UBR4: variants seen among roughly 807,000 people sequenced by gnomAD.
UBR4 encodes the protein E3 ubiquitin-protein ligase UBR4.
UBR4 carries 124 observed loss-of-function variants against 575.6 expected under a neutral mutation model. The ratio of observed to expected loss-of-function variants is 0.22; its 90% CI spans 0.19 to 0.25. The LOEUF is 0.25. Ranked by LOEUF, UBR4 falls within the 10% of genes least tolerant of loss-of-function variation. The pLI is 1.00. For synonymous variants in UBR4, 2,455 were observed against 2,473.7 expected (o/e 0.99, Z 0.22); for missense variants, 4,818 against 6,478.8 (o/e 0.74, Z 8.80).
rs920229243 is a variant in UBR4, at chr1:19,152,806, A to G, written c.6833-330T>C. On this transcript the variant is annotated intron_variant, in intron 46 of 105. Coordinates refer to ENST00000375254, the MANE Select transcript of UBR4 (RefSeq NM_020765.3). This position sits in a 1 kb window ranked among gnomAD's most constrained non-coding sequence, Gnocchi z 4.4. ...TGTAAATGAATAAACCATTCTTTCAAAATAGACTGTAGAGCAAATTTAAGG... is the reference window on the plus strand; with the variant it reads ...TGTAAATGAATAAACCATTCTTTCAGAATAGACTGTAGAGCAAATTTAAGG... 1.3e-5 allele frequency among the ~76,000 whole-genome samples: 2 copies of G among 152,234 alleles called. No homozygotes were observed. The highest frequency in any genetic ancestry group is 2.9e-5 in the Non-Finnish European group (2 of 68,036).
rs2088216692 is a variant in UBR4 at position 19,165,637 on chromosome 1, A to G, written c.4211+19T>C. 2 of 1,608,928 alleles carry G rather than the reference A, an allele frequency of 1.2e-6. No individual in the cohort carries two copies. The highest frequency in any genetic ancestry group is 1.1e-5 in the South Asian group (1 of 90,182). On this transcript the variant is annotated intron_variant, in intron 30 of 105. Transcript: ENST00000375254. The stretch of plus-strand genomic sequence containing the variant: ...GGCATTCAAAAAATATTCACTGAAT[A>G]AAGCAAAACACGGCTCACCTGTCAG...
Position 19,179,212 on chromosome 1 carries a change from C to G in UBR4, c.2193G>C (p.Leu731=). The change falls in exon 18 of 106, where the codon CTG becomes CTC. Residue 731 remains leucine (L), a synonymous_variant. Coordinates refer to ENST00000375254, the MANE Select transcript of UBR4 (RefSeq NM_020765.3). The part of the protein sequence containing the change: ...DLQSPNLQNT[L]LQQLGVAPFS... ...AAGGAGCCACTCCTAGCTGCTGCAA[C>G]AGTGTGTTCTGACAAGAAAGACATG... 4.4e-6 allele frequency: 7 copies of G among 1,573,508 alleles called. No individual in the cohort carries two copies. Among genetic ancestry groups the G allele is most frequent in the Non-Finnish European group, 5.1e-6 (6 of 1,167,688 alleles).
chr1:19,141,618 C>T, intron 56 of UBR4, 29 bp downstream of exon 56: 1 of 1,611,796 alleles, frequency 6.2e-7, no homozygotes, highest in Non-Finnish European at 8.5e-7. Context: ...GAAGCTCCTC[C>T]TCCCCTTCTC....
intron 64 of UBR4, 152 bp from the exon 65 acceptor site, chr1:19,124,842 T>A: frequency 9.6e-7 from 1 of 1,047,078 alleles, no homozygotes; most frequent in Non-Finnish European, 1.4e-6. Context: ...CAGTTTATTC[T>A]ATAAACCCAG....
chr1:19,166,368 G>T (rs1219862650), intron 29 of UBR4, among the ~76,000 whole-genome samples: 1 of 152,202 alleles, frequency 6.6e-6, no homozygotes, highest in Non-Finnish European at 1.5e-5. Flanking sequence ...ATCAATTTCA[G>T]TGAGCTCCTC....
In UBR4 at chr1:19,190,312, A is replaced by AAAAAATATATAT; in HGVS notation, c.1394+1875_1394+1876insATATATATTTTT. Among the ~76,000 whole-genome samples the AAAAAATATATAT allele has an allele frequency of 2.9e-3, 233 of 79,800 alleles. 2 individuals carry two copies. The highest frequency in any genetic ancestry group is 0.012 in the African/African-American group (216 of 18,704). 52.4% of individuals were successfully genotyped at this position (79,800 alleles called of 152,430 possible). On this transcript the variant is annotated intron_variant, in intron 11 of 105. Coordinates refer to ENST00000375254, the MANE Select transcript of UBR4 (RefSeq NM_020765.3). Reference sequence around the variant, plus strand: ...TGCCTCAAAAAAAAAAAAAAAAAAAAATATATATATATATATATTTGTATG... The same window carrying AAAAAATATATAT: ...TGCCTCAAAAAAAAAAAAAAAAAAAAAAAAATATATATATATATATATATATATATTTGTATG...
chr1:19,187,075 TTTA>T, intron 13 of UBR4, 86 bp downstream of exon 13: 5 of 665,828 alleles, frequency 7.5e-6, no homozygotes, highest in Non-Finnish European at 9.2e-6. Flanking sequence ...TCAAGAAAGT[TTTA>T]TATATATATA....
At position 19,153,667 on chromosome 1, in the gene UBR4, T is replaced by G; in HGVS notation, c.6630+101A>C. ...AAGAAAAAGGACTGAAAATCTTTTATGGGCCTCCATTGAAAGAGCTGGGAA... is the reference window on the plus strand; with the variant it reads ...AAGAAAAAGGACTGAAAATCTTTTAGGGGCCTCCATTGAAAGAGCTGGGAA... On this transcript the variant is annotated intron_variant, in intron 45 of 105. Coordinates refer to ENST00000375254, the MANE Select transcript of UBR4 (RefSeq NM_020765.3). This position sits in a 1 kb window ranked among gnomAD's most constrained non-coding sequence, Gnocchi z 4.1. 3 of 1,504,210 alleles carry G rather than the reference T, an allele frequency of 2.0e-6. No individual in the cohort carries two copies. In the South Asian group the frequency reaches 3.9e-5, roughly 20 times the overall value. 93.2% of individuals were successfully genotyped at this position (1,504,210 alleles called of 1,614,324 possible). A position where few individuals can be genotyped will look rare whatever the true frequency, so the allele number is the denominator to read the frequency against.
At position 19,095,038 on chromosome 1, in the gene UBR4, G is replaced by A; in HGVS notation, c.13627-13C>T. 1 of 1,614,150 alleles carries A rather than the reference G, an allele frequency of 6.2e-7. No homozygotes were observed. The highest frequency in any genetic ancestry group is 8.5e-7 in the Non-Finnish European group (1 of 1,180,018). ...CAGCTACAAGGGCCTGTAGGAGAAG[G>A]AGACTCAGTCACTCTCAGAATAAGA... On this transcript the variant is annotated splice_polypyrimidine_tract_variant and intron_variant, in intron 93 of 105. Coordinates refer to ENST00000375254, the MANE Select transcript of UBR4 (RefSeq NM_020765.3).
Position 19,177,589 on chromosome 1 carries a change from T to C in UBR4, c.2509A>G (p.Ile837Val), listed in dbSNP as rs2090408394. The change falls in exon 19 of 106, where the codon ATC becomes GTC. Residue 837 changes from isoleucine (I) to valine (V), a missense_variant. Physicochemically the swap from Ile to Val is conservative, Grantham distance 29 (BLOSUM62 3). This residue lies in a region of UBR4 where 1,172 missense variants were observed against 1,259.7 expected (regional missense o/e 0.93). Transcript: ENST00000375254. ...RAILSLFVQI[I>V]QELSVNMDAQ... The stretch of plus-strand genomic sequence containing the variant: ...TCCATGTTGACGCTCAACTCCTGGA[T>C]GATCTGGACAAAAAGCGACAATATG... The C allele has an allele frequency of 1.9e-6, 3 of 1,613,584 alleles. No homozygotes were observed. The highest frequency in any genetic ancestry group is 2.7e-5 in the African/African-American group (2 of 74,770).
chr1:19,081,894 A>G (rs2076553189), intron 102 of UBR4: 3 of 621,492 alleles, frequency 4.8e-6, no homozygotes, highest in African/African-American at 3.7e-5. Context: ...AATCTCCCCA[A>G]CATGGAACTG....
At chr1:19,131,922 C>A (rs2082513634) in intron 60 of UBR4, among the ~76,000 whole-genome samples, 1 of 152,060 alleles carries the variant, frequency 6.6e-6, no homozygotes, top group Admixed American at 6.6e-5. Context: ...ATGTTCCCAA[C>A]CATGGTAAAA....
chr1:19,101,902 C>G (rs955972045), intron 87 of UBR4, among the ~76,000 whole-genome samples: 1 of 152,224 alleles, frequency 6.6e-6, no homozygotes, highest in African/African-American at 2.4e-5. Context: ...TGCTCTCTCT[C>G]AGGATATAAC....
intron 54 of UBR4, 25 bp from the exon 55 acceptor site, chr1:19,144,116 C>T (rs760519276): frequency 3.6e-5 from 58 of 1,597,002 alleles, no homozygotes; most frequent in South Asian, 1.1e-4. Flanking sequence ...GAAACTGTCA[C>T]GCTTTGCTCT....
At position 19,119,683 on chromosome 1, in the gene UBR4, T is replaced by C. The variant is rs554718806; in HGVS notation, c.10329A>G (p.Gln3443=). The change falls in exon 70 of 106, where the codon CAA becomes CAG. Residue 3443 remains glutamine (Q), a synonymous_variant. Coordinates refer to ENST00000375254, the MANE Select transcript of UBR4 (RefSeq NM_020765.3). ...LHIYRNSSKS[Q]QELLLDLMWS... Reference sequence around the variant, plus strand: ...ACATCAGATCTAGCAGGAGCTCCTGTTGAGATTTGCTGGAATTTCTGTGGA... The same window carrying C: ...ACATCAGATCTAGCAGGAGCTCCTGCTGAGATTTGCTGGAATTTCTGTGGA... 3.7e-6 allele frequency: 6 copies of C among 1,611,288 alleles called. No individual in the cohort carries two copies. Among genetic ancestry groups the C allele is most frequent in the African/African-American group, 1.3e-5 (1 of 75,004 alleles).
chr1:19,165,624 A>C (rs772961222), intron 30 of UBR4, 32 bp downstream of exon 30: 11 of 1,597,470 alleles, frequency 6.9e-6, no homozygotes, highest in East Asian at 4.5e-5. Flanking sequence ...CATTCAAAAA[A>C]TATTCACTGA....
Position 19,126,534 on chromosome 1 carries a change from T to G in UBR4, c.9350A>C (p.Glu3117Ala). 6.2e-7 allele frequency: 1 copy of G among 1,614,206 alleles called. No individual in the cohort carries two copies. ...CAGCAACTGGCTGGTAGCCACAGGC[T>G]CCTCGTCATTCTGTTGGCTCTTCCA... The part of the protein sequence containing the change: ...EYWKSQQNDE[E>A]PVATSQLLKP... Residue 3117 changes from glutamate to alanine, a missense_variant, in exon 64 of 106, where the codon GAG becomes GCG. This residue lies in a region of UBR4 where 550 missense variants were observed against 791.5 expected (regional missense o/e 0.69). Coordinates refer to ENST00000375254, the MANE Select transcript of UBR4 (RefSeq NM_020765.3).
chr1:19,120,099 T>G (rs2081009015), intron 69 of UBR4, 81 bp downstream of exon 69: 1 of 1,512,512 alleles, frequency 6.6e-7, no homozygotes, highest in Admixed American at 1.8e-5. Flanking sequence ...TGACCATATG[T>G]AACCGAAAAC....
chr1:19,197,821 T>C lies in UBR4; in HGVS notation c.752-10A>G, dbSNP rs2092550627. ...AGCTTCTCCGAGCCACCTAAATGAA[T>C]GAAAACCACAACCTTACAAACAGGC... On this transcript the variant is annotated splice_polypyrimidine_tract_variant and intron_variant, in intron 6 of 105. Transcript: ENST00000375254. 1.9e-6 allele frequency: 3 copies of C among 1,613,964 alleles called. No individual in the cohort carries two copies. Among genetic ancestry groups the C allele is most frequent in the East Asian group, 4.5e-5 (2 of 44,884 alleles).
Sources: gnomAD v4.1 joint callset for allele counts (sites outside exome capture counted in the v4.1 genomes callset) on GRCh38, gnomAD v4.1.1 for gene constraint, gnomAD v4.1.1 regional missense constraint, Gnocchi (gnomAD v3.1) non-coding constraint, MANE v1.5 for transcripts, NCBI Gene and HGNC (gene_info 2026-07-23, HGNC 2026-07-21) for gene names.